THSD4: variants seen among roughly 807,000 people sequenced by gnomAD.
The protein encoded by THSD4 is thrombospondin type 1 domain containing 4, also known as thrombospondin type-1 domain-containing protein 4.
In THSD4, 69 loss-of-function variants were observed where a neutral mutation model predicts 119.0. The ratio of observed to expected loss-of-function variants is 0.58; its 90% CI spans 0.48 to 0.71. The LOEUF (loss-of-function observed/expected upper bound fraction) is 0.71. Ranked by LOEUF, THSD4 falls within the 30% of genes least tolerant of loss-of-function variation. The pLI is 0.00. For synonymous variants in THSD4, 524 were observed against 540.4 expected, an observed-to-expected ratio of 0.97 and a Z score of 0.42; for missense variants, 1,393 against 1,391.1, an observed-to-expected ratio of 1.00 and a Z score of -0.02.
chr15:71,575,588 T>G (rs1290849677), intron 7 of THSD4, among the ~76,000 whole-genome samples: 1 of 152,186 alleles, frequency 6.6e-6, no homozygotes, highest in East Asian at 1.9e-4. Context: ...AGTCCTACAT[T>G]GAGCCAAAAT....
rs116260325 is a variant in THSD4, at chr15:71,171,765, T to G, written c.99+16833T>G. 6.6e-3 allele frequency among the ~76,000 whole-genome samples: 1,007 copies of G among 152,128 alleles called. 17 individuals carry two copies. Among genetic ancestry groups the G allele is most frequent in the African/African-American group, 0.023 (934 of 41,506 alleles). On this transcript the variant is annotated intron_variant, in intron 3 of 17. Transcript: ENST00000261862. ...GCCAGAAAAGGATAAATTAAGGAGG[T>G]GAAAAACTTGTCCAATGAAAACTAC...
chr15:71,628,552 T>G (rs2050552549), intron 7 of THSD4, among the ~76,000 whole-genome samples: 1 of 152,190 alleles, frequency 6.6e-6, no homozygotes, highest in South Asian at 2.1e-4. Flanking sequence ...ACGAGTCCCC[T>G]TGGGATCTGG....
chr15:71,586,021 T>G (rs1479520661), intron 7 of THSD4, among the ~76,000 whole-genome samples: 1 of 152,198 alleles, frequency 6.6e-6, no homozygotes, highest in Non-Finnish European at 1.5e-5. Context: ...TGTAGCTCAT[T>G]AACTTTAAGA....
chr15:71,754,086 T>C (rs568036783), intron 14 of THSD4, among the ~76,000 whole-genome samples: 4 of 146,190 alleles, frequency 2.7e-5, no homozygotes, highest in African/African-American at 1.0e-4. Context: ...ATTCTTTTTT[T>C]TTTTTTTTTT....
intron 6 of THSD4, among the ~76,000 whole-genome samples, chr15:71,387,091 G>A (rs1385649986): frequency 6.6e-6 from 1 of 152,062 alleles, no homozygotes; most frequent in Admixed American, 6.6e-5. Context: ...GTTGTTTTCA[G>A]TTTGCTTGTG....
At chr15:71,678,003 C>T (rs1197177950) in intron 8 of THSD4, among the ~76,000 whole-genome samples, 5 of 152,194 alleles carry the variant, frequency 3.3e-5, no homozygotes, top group East Asian at 1.9e-4. Flanking sequence ...TAGGCAGCAG[C>T]GCCTAAGGAC....
chr15:71,329,599 T>C (rs754764504), intron 6 of THSD4, among the ~76,000 whole-genome samples: 12 of 152,208 alleles, frequency 7.9e-5, no homozygotes, highest in Non-Finnish European at 1.5e-4. Flanking sequence ...TGAGATGTCA[T>C]GTCTCAGGCA....
At position 71,771,312 on chromosome 15, in the gene THSD4, T is replaced by C. The variant is rs148218110; in HGVS notation, c.2914+104T>C. On this transcript the variant is annotated intron_variant, in intron 17 of 17. Coordinates refer to ENST00000261862, the MANE Select transcript of THSD4 (RefSeq NM_024817.3). Reference sequence around the variant, plus strand: ...CCTCTTCTAGGTCTTTCTGTGACCTTGCACACAGTCATGGAGTTCAGAGGG... The same window carrying C: ...CCTCTTCTAGGTCTTTCTGTGACCTCGCACACAGTCATGGAGTTCAGAGGG... 9.3e-4 allele frequency: 1,311 copies of C among 1,415,434 alleles called. 13 individuals are homozygous for C. The African/African-American group carries it at 0.017, about 18-fold the overall frequency. The allele number at this position is 1,415,434 out of a possible 1,614,324, so 87.7% of individuals were successfully genotyped here.
intron 7 of THSD4, among the ~76,000 whole-genome samples, chr15:71,571,503 A>G (rs2049357152): frequency 1.3e-5 from 2 of 152,184 alleles, no homozygotes; most frequent in African/African-American, 2.4e-5. Context: ...TTATATTTCA[A>G]AATGTGATTT....
chr15:71,622,325 G>T (rs1235193050), intron 7 of THSD4, among the ~76,000 whole-genome samples: 1 of 152,210 alleles, frequency 6.6e-6, no homozygotes, highest in Non-Finnish European at 1.5e-5. Context: ...AAAGCTGCTA[G>T]AGAGTTTCTG....
chr15:71,366,360 G>A (rs1162065282), intron 6 of THSD4, among the ~76,000 whole-genome samples: 2 of 152,118 alleles, frequency 1.3e-5, no homozygotes, highest in Admixed American at 6.6e-5. Context: ...GCTCCCGGCT[G>A]TCCAAGATTT....
At chr15:71,561,280 A>C (rs1595886128) in intron 7 of THSD4, among the ~76,000 whole-genome samples, 1 of 152,100 alleles carries the variant, frequency 6.6e-6, no homozygotes, top group East Asian at 1.9e-4. Flanking sequence ...GGCTCTCTTT[A>C]TCTTTAAAAT....
At chr15:71,269,771 T>C (rs1458413300) in intron 6 of THSD4, among the ~76,000 whole-genome samples, 2 of 152,196 alleles carry the variant, frequency 1.3e-5, no homozygotes, top group Admixed American at 6.5e-5. Context: ...ACAAAATCAA[T>C]GTGCAAAAAT....
At chr15:71,374,471 A>C (rs79895469) in intron 6 of THSD4, among the ~76,000 whole-genome samples, 1,853 of 152,312 alleles carry the variant, frequency 0.012, 43 homozygotes, top group African/African-American at 0.043. Flanking sequence ...GGATGCAATA[A>C]GAAGGGGATG....
chr15:71,369,446 G>A (rs2046012877), intron 6 of THSD4, among the ~76,000 whole-genome samples: 2 of 152,252 alleles, frequency 1.3e-5, no homozygotes, highest in African/African-American at 2.4e-5. Flanking sequence ...ATTATTTTGA[G>A]ATACGTCCCA....
chr15:71,576,595 A>C (rs1465744509), intron 7 of THSD4, among the ~76,000 whole-genome samples: 1 of 152,204 alleles, frequency 6.6e-6, no homozygotes, highest in Non-Finnish European at 1.5e-5. Flanking sequence ...TGTACATAGT[A>C]CATACTATGA....
chr15:71,665,454 TTACTC>T (rs2051398791), intron 8 of THSD4, among the ~76,000 whole-genome samples: 1 of 152,202 alleles, frequency 6.6e-6, no homozygotes, highest in Non-Finnish European at 1.5e-5. Flanking sequence ...GGGTATCTGT[TTACTC>T]TGTTGACAGT....
chr15:71,745,244 G>T lies in THSD4; in HGVS notation c.2036+9G>T, dbSNP rs762161368. The T allele has an allele frequency of 5.0e-6, 8 of 1,613,530 alleles. No individual in the cohort carries two copies. The highest frequency in any genetic ancestry group is 4.4e-5 in the South Asian group (4 of 91,008). On this transcript the variant is annotated intron_variant, in intron 12 of 17. Transcript: ENST00000261862. Reference sequence around the variant, plus strand: ...TTCCCTTGCCCAGCCTTGTAAGAAGGCCCCTCCATTTAGGTCGCCTATTAC... The same window carrying T: ...TTCCCTTGCCCAGCCTTGTAAGAAGTCCCCTCCATTTAGGTCGCCTATTAC...
At chr15:71,559,298 T>C (rs2049074005) in intron 7 of THSD4, among the ~76,000 whole-genome samples, 1 of 152,150 alleles carries the variant, frequency 6.6e-6, no homozygotes, top group African/African-American at 2.4e-5. Context: ...GGTTTCTGAG[T>C]TTAGAATTTT....
Sources: gnomAD v4.1 joint callset for allele counts (sites outside exome capture counted in the v4.1 genomes callset) on GRCh38, gnomAD v4.1.1 for gene constraint, MANE v1.5 for transcripts, NCBI Gene and HGNC (gene_info 2026-07-23, HGNC 2026-07-21) for gene names.